EYS: variants seen among roughly 807,000 people sequenced by gnomAD.
The protein encoded by EYS is EGF-like photoreceptor maintenance factor.
In EYS, 250 loss-of-function variants were observed where a neutral mutation model predicts 282.1. The ratio of observed to expected loss-of-function variants is 0.89; its 90% CI spans 0.80 to 0.98. The LOEUF (loss-of-function observed/expected upper bound fraction) is 0.98. EYS is among the 50% of genes least tolerant of loss of function. The probability of loss-of-function intolerance (pLI) is 0.00; values close to 1 mark genes in which losing one functional copy is unlikely to be tolerated. For synonymous variants in EYS, 1,355 were observed against 1,282.9 expected, an observed-to-expected ratio of 1.06 and a Z score of -1.20; for missense variants, 4,016 against 3,709.0, an observed-to-expected ratio of 1.08 and a Z score of -2.15.
intron 36 of EYS, among the ~76,000 whole-genome samples, chr6:63,856,586 A>T (rs1425696682): frequency 6.6e-6 from 1 of 152,198 alleles, no homozygotes; most frequent in East Asian, 1.9e-4. Flanking sequence ...AGATGTAAAA[A>T]TCTGCAAACT....
intron 22 of EYS, among the ~76,000 whole-genome samples, chr6:64,799,044 G>A (rs930718943): frequency 6.6e-6 from 1 of 151,702 alleles, no homozygotes; most frequent in African/African-American, 2.4e-5. Context: ...ATACAAATTT[G>A]ACCATTTAAC....
chr6:65,676,474 C>T (rs1210104742), intron 1 of EYS, among the ~76,000 whole-genome samples: 2 of 151,566 alleles, frequency 1.3e-5, no homozygotes, highest in African/African-American at 4.8e-5. Flanking sequence ...TGGATCAATT[C>T]CCAGACACAT....
At chr6:65,058,116 TC>T (rs1169486893) in intron 12 of EYS, among the ~76,000 whole-genome samples, 3 of 152,102 alleles carry the variant, frequency 2.0e-5, no homozygotes, top group African/African-American at 7.2e-5. Context: ...ATCAATAACA[TC>T]CTGATGTATG....
chr6:63,793,184 C>T (rs1375510187), intron 37 of EYS, among the ~76,000 whole-genome samples: 1 of 152,194 alleles, frequency 6.6e-6, no homozygotes, highest in Non-Finnish European at 1.5e-5. Context: ...ATTATTTCAT[C>T]ATTACTCCTA....
intron 22 of EYS, among the ~76,000 whole-genome samples, chr6:64,812,920 T>C (rs1329273283): frequency 2.0e-5 from 3 of 152,138 alleles, no homozygotes; most frequent in African/African-American, 4.8e-5. Context: ...TTCAAAAATA[T>C]AGTGATTGAT....
chr6:64,144,777 A>G (rs550503402), intron 31 of EYS, among the ~76,000 whole-genome samples: 2 of 152,286 alleles, frequency 1.3e-5, no homozygotes, highest in African/African-American at 4.8e-5. Flanking sequence ...TGAAACACAT[A>G]TGGTCCCATG....
At chr6:65,504,004 T>G (rs1766559425) in intron 2 of EYS, among the ~76,000 whole-genome samples, 1 of 151,676 alleles carries the variant, frequency 6.6e-6, no homozygotes, top group Non-Finnish European at 1.5e-5. Flanking sequence ...TTGATGTAAT[T>G]TTGATTGGGA....
intron 12 of EYS, among the ~76,000 whole-genome samples, chr6:65,191,405 A>ACAGC (rs376202708): frequency 6.6e-6 from 1 of 151,882 alleles, no homozygotes; most frequent in Non-Finnish European, 1.5e-5. Flanking sequence ...GACCACAGTA[A>ACAGC]CAGCCACTCC....
Position 65,295,964 on chromosome 6 carries a change from T to A in EYS, c.1922A>T (p.Glu641Val), listed in dbSNP as rs17411795. The A allele has an allele frequency of 0.2, 304,166 of 1,551,002 alleles. 31,981 individuals are homozygous for A. Among genetic ancestry groups the A allele is most frequent in the Non-Finnish European group, 0.22 (247,570 of 1,146,458 alleles). The change falls in exon 12 of 43, where the codon GAG becomes GTG. Residue 641 changes from glutamate (E) to valine (V), a missense_variant. Coordinates refer to ENST00000503581, the MANE Select transcript of EYS (RefSeq NM_001142800.2). ...GLQRYERNIC[E>V]IDTEDCKSAS... ...AGATTTGCAGTCTTCAGTATCTATC[T>A]CACAGATGTTCCTTTCATATCTTTG...
intron 2 of EYS, among the ~76,000 whole-genome samples, chr6:65,619,275 T>C (rs1029624975): frequency 4.0e-5 from 6 of 151,586 alleles, no homozygotes; most frequent in African/African-American, 1.5e-4. Context: ...TCACGTCCCT[T>C]GTAAGTTGGA....
intron 18 of EYS, among the ~76,000 whole-genome samples, chr6:64,900,793 G>A (rs1047384760): frequency 1.2e-4 from 18 of 152,210 alleles, no homozygotes; most frequent in Admixed American, 1.3e-4. Context: ...ACTGTTGGTG[G>A]GAGTGTAAAT....
intron 2 of EYS, among the ~76,000 whole-genome samples, chr6:65,536,574 G>C (rs1767970352): frequency 6.6e-6 from 1 of 152,116 alleles, no homozygotes; most frequent in African/African-American, 2.4e-5. Context: ...TGGTTTTAAT[G>C]CTATAGTGCA....
chr6:65,680,089 C>CAT (rs1215849579), intron 1 of EYS, among the ~76,000 whole-genome samples: 1 of 140,202 alleles, frequency 7.1e-6, no homozygotes, highest in Admixed American at 6.9e-5. Flanking sequence ...TAAATTTTCA[C>CAT]ACACACACAC....
At chr6:63,729,725 T>C (rs1768732268) in intron 41 of EYS, among the ~76,000 whole-genome samples, 1 of 152,148 alleles carries the variant, frequency 6.6e-6, no homozygotes, top group Admixed American at 6.6e-5. Context: ...CTATTTTCAG[T>C]TGTATTCCAT....
intron 22 of EYS, among the ~76,000 whole-genome samples, chr6:64,796,800 T>G (rs1257167095): frequency 6.6e-6 from 1 of 152,198 alleles, no homozygotes; most frequent in East Asian, 1.9e-4. Flanking sequence ...AGACACCGTT[T>G]AAGCCTCAGG....
At chr6:63,865,130 G>A (rs1233582315) in intron 35 of EYS, among the ~76,000 whole-genome samples, 1 of 152,184 alleles carries the variant, frequency 6.6e-6, no homozygotes, top group Non-Finnish European at 1.5e-5. Flanking sequence ...AGTGTATAGT[G>A]CAGGGTGGAT....
At chr6:64,189,862 C>T (rs1451285382) in intron 31 of EYS, among the ~76,000 whole-genome samples, 1 of 152,098 alleles carries the variant, frequency 6.6e-6, no homozygotes, top group Non-Finnish European at 1.5e-5. Context: ...ATGCATAGCC[C>T]ACAAAGCTGA....
chr6:64,552,339 C>T (rs1000779223), intron 26 of EYS, among the ~76,000 whole-genome samples: 8 of 152,230 alleles, frequency 5.3e-5, no homozygotes, highest in Middle Eastern at 3.4e-3. Flanking sequence ...GAAATGGCCC[C>T]GCAAAGCTGT....
In EYS at chr6:65,544,035, A is replaced by T. The variant is rs1022424209; in HGVS notation, c.-332-48042T>A. Among the ~76,000 whole-genome samples the T allele has an allele frequency of 2.9e-3, 294 of 100,420 alleles. 1 individual carries two copies. The highest frequency in any genetic ancestry group is 0.016 in the Middle Eastern group (3 of 188). 65.9% of individuals were successfully genotyped at this position (100,420 alleles called of 152,430 possible). A position where few individuals can be genotyped will look rare whatever the true frequency, so the allele number is the denominator to read the frequency against. ...GTGTGTGTGTGTGTGTGTGTGAGAG[A>T]GAGAGAGACAAAGACAGAGAGAGAG... On this transcript the variant is annotated intron_variant, in intron 2 of 42. Transcript: ENST00000503581.
Sources: allele counts gnomAD v4.1 joint callset (sites outside exome capture counted in the v4.1 genomes callset), GRCh38; gene constraint gnomAD v4.1.1; transcripts MANE v1.5; gene names NCBI Gene and HGNC (gene_info 2026-07-23, HGNC 2026-07-21).